Variants in RAPGEF2 observed in about 807,000 individuals in gnomAD.
RAPGEF2 encodes the protein PDZ domain containing guanine nucleotide exchange factor (GEF) 1.
RAPGEF2 carries 54 observed loss-of-function variants against 186.7 expected under a neutral mutation model. The observed-to-expected ratio is 0.29, with a 90% CI of 0.23 to 0.36. The LOEUF is 0.36. Ranked by LOEUF, RAPGEF2 falls within the 10% of genes least tolerant of loss-of-function variation. RAPGEF2 has a pLI of 1.00. For synonymous variants in RAPGEF2, 712 were observed against 705.9 expected, an observed-to-expected ratio of 1.01 and a Z score of -0.14; for missense variants, 1,532 against 2,045.0, an observed-to-expected ratio of 0.75 and a Z score of 4.84.
At chr4:159,178,148 T>A (rs1746633035) in intron 1 of RAPGEF2, among the ~76,000 whole-genome samples, 1 of 152,202 alleles carries the variant, frequency 6.6e-6, no homozygotes, top group Admixed American at 6.5e-5. Context: ...GGTTCATATA[T>A]GAAACAAAAC....
chr4:159,279,552 C>A (rs1235426283), intron 7 of RAPGEF2, among the ~76,000 whole-genome samples: 1 of 152,170 alleles, frequency 6.6e-6, no homozygotes, highest in Non-Finnish European at 1.5e-5. Context: ...AGTAACTTTA[C>A]CTTGATCTCA....
At chr4:159,191,230 C>G (rs952036663) in intron 2 of RAPGEF2, among the ~76,000 whole-genome samples, 11 of 151,880 alleles carry the variant, frequency 7.2e-5, no homozygotes, top group Admixed American at 6.6e-4. Context: ...GTAAGTTAAG[C>G]TGGAAAAGCA....
chr4:159,341,229 C>T (rs539096039), intron 19 of RAPGEF2, among the ~76,000 whole-genome samples: 1 of 152,122 alleles, frequency 6.6e-6, no homozygotes, highest in Non-Finnish European at 1.5e-5. Context: ...AGGGCCTAGT[C>T]CCTTTTTAAA....
chr4:159,178,167 A>G (rs1746635183), intron 1 of RAPGEF2, among the ~76,000 whole-genome samples: 1 of 152,210 alleles, frequency 6.6e-6, no homozygotes, highest in Admixed American at 6.5e-5. Flanking sequence ...ACCCCTTTTA[A>G]AGGAAAAAGA....
intron 7 of RAPGEF2, among the ~76,000 whole-genome samples, chr4:159,247,108 G>A (rs1223437171): frequency 1.3e-5 from 2 of 152,138 alleles, no homozygotes; most frequent in Non-Finnish European, 2.9e-5. Context: ...TACTATCAGT[G>A]TCTCTCTGTG....
At chr4:159,145,405 T>A (rs1460196169) in intron 1 of RAPGEF2, among the ~76,000 whole-genome samples, 15 of 152,086 alleles carry the variant, frequency 9.9e-5, no homozygotes, top group Admixed American at 9.8e-4. Flanking sequence ...CCCCAAAACA[T>A]TGCCATTTGC....
At chr4:159,187,098 C>G (rs1747634758) in intron 2 of RAPGEF2, among the ~76,000 whole-genome samples, 1 of 152,156 alleles carries the variant, frequency 6.6e-6, no homozygotes, top group African/African-American at 2.4e-5. Flanking sequence ...TTAAAGGAAT[C>G]TTATTCATGA....
intron 7 of RAPGEF2, among the ~76,000 whole-genome samples, chr4:159,269,517 C>T (rs1301989696): frequency 6.6e-6 from 1 of 152,082 alleles, no homozygotes; most frequent in African/African-American, 2.4e-5. Flanking sequence ...CTTAACGGGG[C>T]CTTTGAAATT....
intron 3 of RAPGEF2, among the ~76,000 whole-genome samples, chr4:159,206,830 T>C (rs1750038511): frequency 6.6e-6 from 1 of 152,196 alleles, no homozygotes. Context: ...GAACTAAACA[T>C]GAATTCTATG....
chr4:159,212,951 C>T (rs1458933835), intron 4 of RAPGEF2, among the ~76,000 whole-genome samples: 2 of 152,180 alleles, frequency 1.3e-5, no homozygotes, highest in African/African-American at 4.8e-5. Flanking sequence ...AGAGTTCTTG[C>T]AGTTCAGACT....
intron 7 of RAPGEF2, among the ~76,000 whole-genome samples, chr4:159,251,054 C>T (rs1579610327): frequency 6.6e-6 from 1 of 152,232 alleles, no homozygotes; most frequent in East Asian, 1.9e-4. Context: ...CAGTGAGGGG[C>T]TTAGCACCTG....
intron 1 of RAPGEF2, among the ~76,000 whole-genome samples, chr4:159,128,244 A>C (rs952128325): frequency 1.3e-5 from 2 of 152,170 alleles, no homozygotes; most frequent in African/African-American, 4.8e-5. Flanking sequence ...GCCTAATTCT[A>C]CTGAGGAAGA....
Position 159,353,742 on chromosome 4 carries a change from A to G in RAPGEF2, c.4347A>G (p.Leu1449=). 1 of 1,612,754 alleles carries G rather than the reference A, an allele frequency of 6.2e-7. No homozygotes were observed. The highest frequency in any genetic ancestry group is 8.5e-7 in the Non-Finnish European group (1 of 1,179,384). ...ATTATTCAGGGGATCCTGCAGGTTT[A>G]TGGGCATCAAGCAGCCATATGGACC... is the stretch of plus-strand genomic sequence containing the variant. The part of the protein sequence containing the change: ...HFDYSGDPAG[L]WASSSHMDQI... Residue 1449 remains leucine, a synonymous_variant, in exon 28 of 30, where the codon TTA becomes TTG. Coordinates refer to ENST00000691494, the MANE Select transcript of RAPGEF2 (RefSeq NM_001394067.2). This position sits in a 1 kb window ranked among gnomAD's most constrained non-coding sequence, Gnocchi z 4.3.
At chr4:159,306,265 G>T (rs1018621587) in intron 8 of RAPGEF2, among the ~76,000 whole-genome samples, 1 of 151,880 alleles carries the variant, frequency 6.6e-6, no homozygotes, top group African/African-American at 2.4e-5. Flanking sequence ...CCATGAGCAT[G>T]GGATGTTTTC....
chr4:159,338,113 A>G (rs1271696776), intron 17 of RAPGEF2, among the ~76,000 whole-genome samples, 198 bp from the exon 18 acceptor site: 1 of 147,478 alleles, frequency 6.8e-6, no homozygotes, highest in Non-Finnish European at 1.5e-5. Context: ...ACAAAAACAA[A>G]AAACAAAAAC....
intron 1 of RAPGEF2, among the ~76,000 whole-genome samples, chr4:159,129,295 T>C (rs188021318): frequency 6.6e-6 from 1 of 152,280 alleles, no homozygotes; most frequent in East Asian, 1.9e-4. Flanking sequence ...AAGAGTTACT[T>C]TGATAATATA....
intron 8 of RAPGEF2, among the ~76,000 whole-genome samples, chr4:159,312,917 G>T (rs1162081335): frequency 6.6e-6 from 1 of 152,182 alleles, no homozygotes; most frequent in African/African-American, 2.4e-5. Context: ...GTAGGCTGAG[G>T]TGGGCAGATC....
At chr4:159,151,660 T>C (rs1743544910) in intron 1 of RAPGEF2, among the ~76,000 whole-genome samples, 1 of 151,984 alleles carries the variant, frequency 6.6e-6, no homozygotes, top group East Asian at 1.9e-4. Context: ...CTTCAGGAAA[T>C]AAATTTGTTA....
chr4:159,213,638 G>T (rs541657678), intron 4 of RAPGEF2, among the ~76,000 whole-genome samples: 1 of 152,124 alleles, frequency 6.6e-6, no homozygotes, highest in Admixed American at 6.5e-5. Flanking sequence ...CTCAGTTGAC[G>T]TTTAAGTCAG....
Sources: allele counts gnomAD v4.1 joint callset (sites outside exome capture counted in the v4.1 genomes callset), GRCh38; gene constraint gnomAD v4.1.1; non-coding constraint Gnocchi (gnomAD v3.1); transcripts MANE v1.5; gene names NCBI Gene and HGNC (gene_info 2026-07-23, HGNC 2026-07-21).